Variants in TULP4 observed in about 807,000 individuals in gnomAD.
The protein encoded by TULP4 is tubby-related protein 4.
In TULP4, 16 loss-of-function variants were observed where a neutral mutation model predicts 129.0. The observed-to-expected ratio is 0.12, with a 90% CI of 0.08 to 0.19. TULP4 has a LOEUF of 0.19. TULP4 is among the 10% of genes least tolerant of loss of function. The pLI is 1.00. For missense variants in TULP4, 1,842 were observed against 2,059.1 expected, an observed-to-expected ratio of 0.89 and a Z score of 2.04; for synonymous variants, 998 against 854.0, an observed-to-expected ratio of 1.17 and a Z score of -2.94.
intron 1 of TULP4, among the ~76,000 whole-genome samples, chr6:158,386,143 C>T (rs1241095219): frequency 6.6e-6 from 1 of 151,996 alleles, no homozygotes; most frequent in African/African-American, 2.4e-5. Flanking sequence ...CTATGCCTTG[C>T]CACATCATAT....
chr6:158,479,320 G>A (rs1257479471), intron 6 of TULP4, among the ~76,000 whole-genome samples: 1 of 152,200 alleles, frequency 6.6e-6, no homozygotes, highest in Non-Finnish European at 1.5e-5. Context: ...CCAGAGCTCA[G>A]TTGGGTTTCA....
intron 2 of TULP4, among the ~76,000 whole-genome samples, chr6:158,420,479 T>TTTTTG (rs1181699718): frequency 1.3e-5 from 2 of 152,120 alleles, no homozygotes; most frequent in Admixed American, 6.5e-5. Context: ...CCCTGTCTGT[T>TTTTTG]TTTTGTTTTG....
intron 1 of TULP4, among the ~76,000 whole-genome samples, chr6:158,232,592 G>C (rs989044236): frequency 6.6e-6 from 1 of 152,090 alleles, no homozygotes; most frequent in Non-Finnish European, 1.5e-5. Flanking sequence ...AGCTGAGCGC[G>C]GGGCGGGCGT....
chr6:158,425,376 G>A (rs1469448242), intron 2 of TULP4, among the ~76,000 whole-genome samples: 1 of 151,276 alleles, frequency 6.6e-6, no homozygotes. Context: ...AGCCAGGTAT[G>A]GTAGCAGGCG....
intron 1 of TULP4, among the ~76,000 whole-genome samples, chr6:158,253,282 T>C (rs1171123873): frequency 2.0e-5 from 3 of 152,340 alleles, no homozygotes; most frequent in South Asian, 2.1e-4. Context: ...AGGATCTAGG[T>C]GTGAGGCATG....
rs146646039 is a variant in TULP4, at chr6:158,505,318, C to A, written c.4515+1140C>A. Among the ~76,000 whole-genome samples the A allele has an allele frequency of 6.9e-3, 760 of 110,624 alleles. 7 individuals carry two copies. The highest frequency in any genetic ancestry group is 0.028 in the African/African-American group (719 of 25,278). The allele number at this position is 110,624 out of a possible 152,430, so 72.6% of individuals were successfully genotyped here. A position where few individuals can be genotyped will look rare whatever the true frequency, so the allele number is the denominator to read the frequency against. On this transcript the variant is annotated intron_variant, in intron 13 of 13. Transcript: ENST00000367097. ...TATTGAGAACCTGCCGTGTGCCTGG[C>A]AATCCTCTAAGCCCAGGGTTGGCAT...
chr6:158,376,999 G>A (rs1368305124), intron 1 of TULP4, among the ~76,000 whole-genome samples: 2 of 152,130 alleles, frequency 1.3e-5, no homozygotes, highest in African/African-American at 4.8e-5. Flanking sequence ...CTGTTACTTG[G>A]GTTTCTGTTG....
chr6:158,293,272 C>T (rs1275822881), intron 1 of TULP4, among the ~76,000 whole-genome samples: 3 of 152,186 alleles, frequency 2.0e-5, no homozygotes, highest in African/African-American at 7.2e-5. Context: ...GGCTTTTGCT[C>T]ACAGGGCTGA....
intron 1 of TULP4, among the ~76,000 whole-genome samples, chr6:158,333,318 A>G (rs1197968641): frequency 1.3e-5 from 2 of 152,210 alleles, no homozygotes; most frequent in African/African-American, 4.8e-5. Context: ...AAGAAGACAC[A>G]TCGGAGAGCT....
intron 1 of TULP4, among the ~76,000 whole-genome samples, chr6:158,272,769 A>G (rs1021609538): frequency 1.3e-5 from 2 of 152,214 alleles, no homozygotes; most frequent in African/African-American, 4.8e-5. Flanking sequence ...CCAAGTTTCT[A>G]GAGTGTTTCA....
rs1394955059 is a variant in TULP4 at position 158,511,668 on chromosome 6, C to T, written c.*4974C>T. 2 of 152,468 alleles carry T rather than the reference C, an allele frequency of 1.3e-5. No individual in the cohort carries two copies. The highest frequency in any genetic ancestry group is 2.4e-5 in the African/African-American group (1 of 41,446). 9.4% of individuals were successfully genotyped at this position (152,468 alleles called of 1,614,324 possible). ...TGTATTAGATTGTGCAGGAGATATT[C>T]TAGAAGGCATTAATGGTTTGCATTC... is the stretch of plus-strand genomic sequence containing the variant. On this transcript the variant is annotated 3_prime_UTR_variant, in exon 14 of 14. Transcript: ENST00000367097.
intron 8 of TULP4, among the ~76,000 whole-genome samples, chr6:158,486,249 G>C (rs1780062012): frequency 6.6e-6 from 1 of 151,966 alleles, no homozygotes; most frequent in South Asian, 2.1e-4. Flanking sequence ...CTTAAGGGAG[G>C]TCCTAATCTG....
In TULP4 at chr6:158,498,671, A is replaced by G. The variant is rs541828029; in HGVS notation, c.1873A>G (p.Ile625Val). 3 of 1,614,020 alleles carry G rather than the reference A, an allele frequency of 1.9e-6. No homozygotes were observed. The highest frequency in any genetic ancestry group is 2.5e-6 in the Non-Finnish European group (3 of 1,180,022). Residue 625 changes from isoleucine to valine, a missense_variant and splice_region_variant, in exon 12 of 14, where the codon ATC (isoleucine) becomes GTC (valine). By Grantham distance (29) the Ile-to-Val change is conservative. Coordinates refer to ENST00000367097, the MANE Select transcript of TULP4 (RefSeq NM_020245.5). ...GTGCCCTTCTTTTTCCCCACCAGTA[A>G]TCTATAAAACCAGCCTCCTGCATCT... ...AFLPTNLGAV[I>V]YKTSLLHLQP...
At chr6:158,339,924 T>C (rs1780141313) in intron 1 of TULP4, among the ~76,000 whole-genome samples, 1 of 152,192 alleles carries the variant, frequency 6.6e-6, no homozygotes, top group Non-Finnish European at 1.5e-5. Flanking sequence ...GAATATTGAT[T>C]GGAGAAGTGA....
chr6:158,418,396 C>T (rs1176393573), intron 2 of TULP4, among the ~76,000 whole-genome samples: 1 of 149,294 alleles, frequency 6.7e-6, no homozygotes, highest in Non-Finnish European at 1.5e-5. Flanking sequence ...GCATGAGCCA[C>T]CACTTTTTTT....
chr6:158,364,923 G>A (rs1348269388), intron 1 of TULP4, among the ~76,000 whole-genome samples: 2 of 151,978 alleles, frequency 1.3e-5, no homozygotes, highest in Admixed American at 6.6e-5. Flanking sequence ...TTTTAGTAGA[G>A]ATGGGGTTTC....
chr6:158,359,388 A>G (rs1780715838), intron 1 of TULP4, among the ~76,000 whole-genome samples: 1 of 152,240 alleles, frequency 6.6e-6, no homozygotes, highest in Admixed American at 6.5e-5. Flanking sequence ...GAGTTTATTA[A>G]GGAGTATTAA....
Position 158,493,544 on chromosome 6 carries a change from C to T in TULP4, c.1632-29C>T. On this transcript the variant is annotated intron_variant, in intron 9 of 13. Coordinates refer to ENST00000367097, the MANE Select transcript of TULP4 (RefSeq NM_020245.5). This position sits in a 1 kb window ranked among gnomAD's most constrained non-coding sequence, Gnocchi z 4.4. ...ATGCTCACCATTCCCGCCACGGATGCCTGACCCCTCCTGGCCTTGCCTCCC... is the reference window on the plus strand; with the variant it reads ...ATGCTCACCATTCCCGCCACGGATGTCTGACCCCTCCTGGCCTTGCCTCCC... 1 of 1,448,796 alleles carries T rather than the reference C, an allele frequency of 6.9e-7. No individual in the cohort carries two copies. The highest frequency in any genetic ancestry group is 9.1e-7 in the Non-Finnish European group (1 of 1,097,846). The allele number at this position is 1,448,796 out of a possible 1,614,324, so 89.7% of individuals were successfully genotyped here.
At chr6:158,429,598 C>A in intron 2 of TULP4, 138 bp from the exon 3 acceptor site, 1 of 973,936 alleles carries the variant, frequency 1.0e-6, no homozygotes, top group Non-Finnish European at 1.5e-6. Context: ...GTTTTTATAG[C>A]TTTCAAATAA....
Sources: allele counts gnomAD v4.1 joint callset (sites outside exome capture counted in the v4.1 genomes callset), GRCh38; gene constraint gnomAD v4.1.1; non-coding constraint Gnocchi (gnomAD v3.1); transcripts MANE v1.5; gene names NCBI Gene and HGNC (gene_info 2026-07-23, HGNC 2026-07-21).